MTOR: variants seen among roughly 807,000 people sequenced by gnomAD.
The protein encoded by MTOR is mechanistic target of rapamycin kinase.
MTOR carries 70 observed loss-of-function variants against 319.8 expected under a neutral mutation model. The ratio of observed to expected loss-of-function variants is 0.22; its 90% CI spans 0.18 to 0.27. MTOR has a LOEUF of 0.27. Among genes scored for constraint, MTOR ranks in the 10% least tolerant of loss-of-function variants. The pLI is 1.00. For missense variants in MTOR, 1,890 were observed against 3,274.4 expected, an observed-to-expected ratio of 0.58 and a Z score of 10.32; for synonymous variants, 1,183 against 1,211.4, an observed-to-expected ratio of 0.98 and a Z score of 0.49.
At position 11,115,606 on chromosome 1, in the gene MTOR, G is replaced by T; in HGVS notation, c.7017-138C>A. On this transcript the variant is annotated intron_variant, in intron 50 of 57. Coordinates refer to ENST00000361445, the MANE Select transcript of MTOR (RefSeq NM_004958.4). This position sits in a 1 kb window ranked among gnomAD's most constrained non-coding sequence, Gnocchi z 4.5. ...ATCCAGCCCCTCCACCTCCACTTCT[G>T]CAAGTCCAGTTTTACTGGAACACAC... 1.4e-6 allele frequency: 1 copy of T among 730,962 alleles called. No homozygotes were observed. The highest frequency in any genetic ancestry group is 1.6e-5 in the South Asian group (1 of 61,870). The allele number at this position is 730,962 out of a possible 1,614,324, so 45.3% of individuals were successfully genotyped here. A position where few individuals can be genotyped will look rare whatever the true frequency, so the allele number is the denominator to read the frequency against.
chr1:11,200,579 T>C (rs972343269), intron 26 of MTOR, among the ~76,000 whole-genome samples: 1 of 152,230 alleles, frequency 6.6e-6, no homozygotes, highest in Admixed American at 6.5e-5. Context: ...TGGATAGATT[T>C]AGCATTTGAT....
chr1:11,243,013 A>G, intron 9 of MTOR, 101 bp downstream of exon 9: 1 of 1,288,720 alleles, frequency 7.8e-7, no homozygotes, highest in Non-Finnish European at 1.1e-6. Context: ...CTGGAGTTTA[A>G]TGATGCAAAA....
rs369023228 is a variant in MTOR at position 11,115,365 on chromosome 1, A to G, written c.7089+31T>C. Reference sequence around the variant, plus strand: ...GGGGGAAAAGTGATCACCCGGGAAGATGAGGTTGGGGTTCTAGAACATGTG... The same window carrying G: ...GGGGGAAAAGTGATCACCCGGGAAGGTGAGGTTGGGGTTCTAGAACATGTG... On this transcript the variant is annotated intron_variant, in intron 51 of 57. Transcript: ENST00000361445. This position sits in a 1 kb window ranked among gnomAD's most constrained non-coding sequence, Gnocchi z 4.5. 16 of 1,607,326 alleles carry G rather than the reference A, an allele frequency of 1.0e-5. No homozygotes were observed. The African/African-American group carries it at 1.3e-4, about 13-fold the overall frequency.
In MTOR at chr1:11,129,360, G is replaced by T. The variant is rs1047795103; in HGVS notation, c.5714+378C>A. Among the ~76,000 whole-genome samples the T allele has an allele frequency of 6.6e-6, 1 of 152,234 alleles. No individual in the cohort carries two copies. Among genetic ancestry groups the T allele is most frequent in the Non-Finnish European group, 1.5e-5 (1 of 68,042 alleles). On this transcript the variant is annotated intron_variant, in intron 40 of 57. Coordinates refer to ENST00000361445, the MANE Select transcript of MTOR (RefSeq NM_004958.4). The surrounding 1 kb of genome is among the most constrained non-coding windows in gnomAD (Gnocchi z 4.7). ...GGACCTTGTCACCTTTACCCTCTGG[G>T]TTAACTGATTTGAGTCATTTGTTTA...
At chr1:11,254,495 T>A (rs974058422) in intron 5 of MTOR, among the ~76,000 whole-genome samples, 8 of 152,094 alleles carry the variant, frequency 5.3e-5, no homozygotes, top group African/African-American at 1.9e-4. Flanking sequence ...CATCCCTATT[T>A]AACAGCTAAA....
rs187015852 is a variant in MTOR at position 11,211,470 on chromosome 1, C to T, written c.3562-564G>A. 1.2e-3 allele frequency among the ~76,000 whole-genome samples: 179 copies of T among 152,288 alleles called. 1 individual carries two copies. The Middle Eastern group carries it at 0.014, about 12-fold the overall frequency. The stretch of plus-strand genomic sequence containing the variant: ...GCAGTCTGGAACTCCTGGGCTCAAG[C>T]GATCCCTCTGCCTTAGCCTCCTGAG... On this transcript the variant is annotated intron_variant, in intron 23 of 57. Coordinates refer to ENST00000361445, the MANE Select transcript of MTOR (RefSeq NM_004958.4).
chr1:11,180,840 G>A (rs867110421), intron 28 of MTOR, among the ~76,000 whole-genome samples: 7 of 151,024 alleles, frequency 4.6e-5, no homozygotes, highest in Admixed American at 1.3e-4. Context: ...GCAGCGGTGC[G>A]ATCTCGGCTC....
intron 30 of MTOR, among the ~76,000 whole-genome samples, chr1:11,150,551 T>C (rs1332876296): frequency 6.6e-6 from 1 of 152,236 alleles, no homozygotes; most frequent in African/African-American, 2.4e-5. Context: ...TCTTTCCCTT[T>C]GGCAGGCCTA....
intron 30 of MTOR, among the ~76,000 whole-genome samples, chr1:11,151,726 T>C (rs552915117): frequency 3.3e-5 from 5 of 152,350 alleles, no homozygotes; most frequent in South Asian, 2.1e-4. Context: ...GGATCCTGAC[T>C]AGAGGTAGAA....
At chr1:11,185,847 C>T (rs977372487) in intron 28 of MTOR, among the ~76,000 whole-genome samples, 4 of 151,790 alleles carry the variant, frequency 2.6e-5, no homozygotes, top group African/African-American at 4.8e-5. Flanking sequence ...TTTGGGAGGC[C>T]GAGGCGGGTG....
rs1457930238 is a variant in MTOR at position 11,121,415 on chromosome 1, T to C, written c.6811-47A>G. 6.2e-7 allele frequency: 1 copy of C among 1,608,238 alleles called. No individual in the cohort carries two copies. The highest frequency in any genetic ancestry group is 8.5e-7 in the Non-Finnish European group (1 of 1,177,452). ...CAGTAAGAGAGCAGCCTAAGACATG[T>C]AGTTTGGGTCCAGGAAGAAACAAGG... is the stretch of plus-strand genomic sequence containing the variant. On this transcript the variant is annotated intron_variant, in intron 48 of 57. Coordinates refer to ENST00000361445, the MANE Select transcript of MTOR (RefSeq NM_004958.4). The surrounding 1 kb of genome is among the most constrained non-coding windows in gnomAD (Gnocchi z 4.9).
chr1:11,108,093 A>G (rs1641664908), intron 57 of MTOR, 88 bp downstream of exon 57: 1 of 1,048,774 alleles, frequency 9.5e-7, no homozygotes, highest in East Asian at 2.4e-5. Flanking sequence ...ATACCTCACC[A>G]AATCTCTTTT....
Position 11,134,149 on chromosome 1 carries a change from T to C in MTOR, c.5246+202A>G, listed in dbSNP as rs189070863. 1.9e-4 allele frequency among the ~76,000 whole-genome samples: 29 copies of C among 152,252 alleles called. 1 individual carries two copies. Among genetic ancestry groups the C allele is most frequent in the African/African-American group, 5.3e-4 (22 of 41,560 alleles). On this transcript the variant is annotated intron_variant, in intron 37 of 57. Transcript: ENST00000361445. ...CCAGGAGAACAGCACATGGGTGCTC[T>C]TGGGCTGCTGAACCTAGGAAAGCAA...
chr1:11,192,376 G>A (rs777515349), intron 28 of MTOR: 1 of 1,598,068 alleles, frequency 6.3e-7, no homozygotes, highest in Admixed American at 1.7e-5. Flanking sequence ...TGGAGGTGAG[G>A]TCATTACAGT....
chr1:11,261,309 CAAA>C (rs1161523469), intron 1 of MTOR, among the ~76,000 whole-genome samples: 2 of 121,508 alleles, frequency 1.6e-5, no homozygotes, highest in African/African-American at 5.9e-5. Flanking sequence ...ACTAAAAATA[CAAA>C]AAAAAAAAAA....
intron 54 of MTOR, chr1:11,111,110 A>C (rs1641841760): frequency 2.2e-6 from 1 of 455,834 alleles, no homozygotes; most frequent in Non-Finnish European, 4.4e-6. Context: ...TGACATTATA[A>C]GCCAGTATCC....
intron 9 of MTOR, among the ~76,000 whole-genome samples, chr1:11,242,383 C>A (rs958029175): frequency 1.3e-5 from 2 of 151,496 alleles, no homozygotes; most frequent in African/African-American, 4.9e-5. Context: ...GCCTGTAATC[C>A]CAGCTACTCA....
At chr1:11,221,827 T>C (rs1369947491) in intron 19 of MTOR, among the ~76,000 whole-genome samples, 1 of 150,328 alleles carries the variant, frequency 6.7e-6, no homozygotes, top group Non-Finnish European at 1.5e-5. Context: ...AACACACAAG[T>C]AGTAAAGTAA....
rs183995927 is a variant in MTOR, at chr1:11,213,091, T to C, written c.3286-183A>G. 1.4e-3 allele frequency among the ~76,000 whole-genome samples: 210 copies of C among 152,354 alleles called. 1 individual carries two copies. The highest frequency in any genetic ancestry group is 0.014 in the Middle Eastern group (4 of 294). On this transcript the variant is annotated intron_variant, in intron 21 of 57. Transcript: ENST00000361445. ...CCCCTCATTTTATTTGCTTACATAT[T>C]ACTTTGCTTTCTCTGTGCTTATTTG...
Sources: allele counts gnomAD v4.1 joint callset (sites outside exome capture counted in the v4.1 genomes callset), GRCh38; gene constraint gnomAD v4.1.1; non-coding constraint Gnocchi (gnomAD v3.1); transcripts MANE v1.5; gene names NCBI Gene and HGNC (gene_info 2026-07-23, HGNC 2026-07-21).